CTTNBP2: variants seen among roughly 807,000 people sequenced by gnomAD.
CTTNBP2 encodes the protein cortactin-binding protein 2.
Under a neutral mutation model 156.9 loss-of-function variants are expected in CTTNBP2, and 108 were observed. That is an observed-to-expected ratio of 0.69 (90% CI 0.59 to 0.81). CTTNBP2 has a LOEUF of 0.81. Ranked by LOEUF, CTTNBP2 falls within the 30% of genes least tolerant of loss-of-function variation. The probability of loss-of-function intolerance (pLI) is 0.00; values close to 1 mark genes in which losing one functional copy is unlikely to be tolerated. For synonymous variants in CTTNBP2, 767 were observed against 751.8 expected, an observed-to-expected ratio of 1.02 and a Z score of -0.33; for missense variants, 1,924 against 2,035.4, an observed-to-expected ratio of 0.95 and a Z score of 1.05.
chr7:117,861,581 AC>A lies in CTTNBP2; in HGVS notation c.82-266del, dbSNP rs1414828054. 2.6e-5 allele frequency among the ~76,000 whole-genome samples: 4 copies of A among 152,282 alleles called. No homozygotes were observed. In the South Asian group the frequency reaches 8.3e-4, roughly 32 times the overall value. The stretch of plus-strand genomic sequence containing the variant: ...CCCAGACTCAAAATCTCTCCAAATT[AC>A]ATAGCACAAATTTAAAGTCCCTGGA... On this transcript the variant is annotated intron_variant, in intron 1 of 22. Coordinates refer to ENST00000160373, the MANE Select transcript of CTTNBP2 (RefSeq NM_033427.3).
At chr7:117,817,361 A>ATATATATATAT (rs1298639361) in intron 2 of CTTNBP2, among the ~76,000 whole-genome samples, 1,037 of 53,282 alleles carry the variant, frequency 0.019, 169 homozygotes, top group East Asian at 0.11. Flanking sequence ...AAAAAAAAAA[A>ATATATATATAT]ATATATATAT....
intron 14 of CTTNBP2, among the ~76,000 whole-genome samples, chr7:117,740,554 G>A (rs1412460648): frequency 6.6e-6 from 1 of 152,170 alleles, no homozygotes; most frequent in South Asian, 2.1e-4. Context: ...GTACTCTTCA[G>A]TTGTGGTACT....
chr7:117,758,237 T>C lies in CTTNBP2; in HGVS notation c.3173-267A>G, dbSNP rs530036677. 120 of 416,324 alleles carry C rather than the reference T, an allele frequency of 2.9e-4. 1 individual carries two copies. Among genetic ancestry groups the C allele is most frequent in the African/African-American group, 1.8e-3 (89 of 49,808 alleles). 25.8% of individuals were successfully genotyped at this position (416,324 alleles called of 1,614,324 possible). A position where few individuals can be genotyped will look rare whatever the true frequency, so the allele number is the denominator to read the frequency against. On this transcript the variant is annotated intron_variant, in intron 10 of 22. Coordinates refer to ENST00000160373, the MANE Select transcript of CTTNBP2 (RefSeq NM_033427.3). ...CAGGGAGAGATCTAGAAAGCAAATATATCCACTCAGATATTTCTAGGGTTA... is the reference window on the plus strand; with the variant it reads ...CAGGGAGAGATCTAGAAAGCAAATACATCCACTCAGATATTTCTAGGGTTA...
intron 2 of CTTNBP2, among the ~76,000 whole-genome samples, chr7:117,852,397 A>C (rs532224530): frequency 2.5e-4 from 38 of 152,158 alleles, no homozygotes; most frequent in Admixed American, 5.2e-4. Flanking sequence ...AAAATATGCA[A>C]AGATGGTCAG....
chr7:117,727,235 A>G (rs538679690), intron 17 of CTTNBP2, among the ~76,000 whole-genome samples: 1 of 152,310 alleles, frequency 6.6e-6, no homozygotes, highest in South Asian at 2.1e-4. Flanking sequence ...TCTAATACTC[A>G]GGCTGGAGTT....
rs550320749 is a variant in CTTNBP2, at chr7:117,846,923, AT to A, written c.189+14285del. 7.3e-4 allele frequency among the ~76,000 whole-genome samples: 111 copies of A among 152,282 alleles called. 1 individual carries two copies. Among genetic ancestry groups the A allele is most frequent in the African/African-American group, 2.6e-3 (107 of 41,566 alleles). On this transcript the variant is annotated intron_variant, in intron 2 of 22. Coordinates refer to ENST00000160373, the MANE Select transcript of CTTNBP2 (RefSeq NM_033427.3). The stretch of plus-strand genomic sequence containing the variant: ...TATTAAAGGGGCAGCTTAACTTGTT[AT>A]GAAGAAAAAATGGTAGTGAATGTTT...
chr7:117,763,526 T>A (rs954410868), intron 9 of CTTNBP2, among the ~76,000 whole-genome samples: 1 of 151,684 alleles, frequency 6.6e-6, no homozygotes, highest in African/African-American at 2.4e-5. Context: ...TGAATCCAAT[T>A]ACACCATTGT....
chr7:117,724,538 G>A lies in CTTNBP2; in HGVS notation c.4447+9C>T, dbSNP rs371243049. On this transcript the variant is annotated intron_variant, in intron 19 of 22. Transcript: ENST00000160373. ...CCTGGTAGGCAACATGCCTACCCCC[G>A]CCCTTTACCTTCAGTGCTTAGGTCT... The A allele has an allele frequency of 6.7e-5, 107 of 1,604,206 alleles. No individual in the cohort carries two copies. Among genetic ancestry groups the A allele is most frequent in the South Asian group, 3.9e-4 (35 of 90,244 alleles).
intron 17 of CTTNBP2, among the ~76,000 whole-genome samples, chr7:117,726,300 C>T (rs1182881745): frequency 6.6e-6 from 1 of 152,180 alleles, no homozygotes; most frequent in Admixed American, 6.5e-5. Flanking sequence ...ATAAAACTTT[C>T]AAGAATTGTC....
At chr7:117,716,225 T>G (rs1412969561) in intron 22 of CTTNBP2, among the ~76,000 whole-genome samples, 1 of 137,300 alleles carries the variant, frequency 7.3e-6, no homozygotes, top group East Asian at 1.9e-4. Context: ...ACTTTGACTT[T>G]CAGTACTACT....
chr7:117,817,453 T>C (rs1339429717), intron 2 of CTTNBP2, among the ~76,000 whole-genome samples: 1 of 146,286 alleles, frequency 6.8e-6, no homozygotes, highest in Non-Finnish European at 1.5e-5. Flanking sequence ...AAGTTGAAAG[T>C]TGACCATTAT....
chr7:117,780,372 CTAGTTA>C, intron 7 of CTTNBP2, 63 bp downstream of exon 7: 1 of 1,043,140 alleles, frequency 9.6e-7, no homozygotes, highest in Non-Finnish European at 1.3e-6. Flanking sequence ...TTTTGTTTTT[CTAGTTA>C]TAGAGTTTAC....
rs78926846 is a variant in CTTNBP2 at position 117,746,502 on chromosome 7, A to G, written c.3349-403T>C. 7.4e-3 allele frequency among the ~76,000 whole-genome samples: 1,132 copies of G among 152,284 alleles called. 16 individuals are homozygous for G. Among genetic ancestry groups the G allele is most frequent in the African/African-American group, 0.026 (1,076 of 41,550 alleles). ...TTGTTCGTGGTTAAAACAGTAATGC[A>G]TTTCATTATGGAAATTTTGGTATAT... On this transcript the variant is annotated intron_variant, in intron 12 of 22. Coordinates refer to ENST00000160373, the MANE Select transcript of CTTNBP2 (RefSeq NM_033427.3).
chr7:117,830,536 A>G (rs980007228), intron 2 of CTTNBP2, among the ~76,000 whole-genome samples: 1 of 152,224 alleles, frequency 6.6e-6, no homozygotes, highest in Non-Finnish European at 1.5e-5. Context: ...GAGTGTCATG[A>G]ACACTCAAAC....
chr7:117,783,078 T>A, intron 5 of CTTNBP2, 117 bp from the exon 6 acceptor site: 1 of 647,544 alleles, frequency 1.5e-6, no homozygotes, highest in Non-Finnish European at 2.6e-6. Flanking sequence ...GCACAGTTCA[T>A]CTCAGAATTC....
chr7:117,726,122 T>C (rs1795081990), intron 17 of CTTNBP2, among the ~76,000 whole-genome samples: 1 of 152,200 alleles, frequency 6.6e-6, no homozygotes, highest in African/African-American at 2.4e-5. Context: ...TTAATAGCCA[T>C]AAACAGTGGG....
chr7:117,765,297 T>A (rs1277432657), intron 9 of CTTNBP2, among the ~76,000 whole-genome samples: 3 of 152,184 alleles, frequency 2.0e-5, no homozygotes, highest in Non-Finnish European at 2.9e-5. Context: ...ATGGAAGTAA[T>A]CATAATCTAA....
At chr7:117,739,927 C>CA (rs1371564076) in intron 14 of CTTNBP2, among the ~76,000 whole-genome samples, 2 of 152,162 alleles carry the variant, frequency 1.3e-5, no homozygotes, top group African/African-American at 4.8e-5. Flanking sequence ...TTGAAAAATT[C>CA]AAAGTATTAC....
At chr7:117,865,111 A>G (rs914627844) in intron 1 of CTTNBP2, among the ~76,000 whole-genome samples, 1 of 151,706 alleles carries the variant, frequency 6.6e-6, no homozygotes, top group South Asian at 2.1e-4. Context: ...AATGTTTATA[A>G]AAGATTGCCT....
Sources: allele counts gnomAD v4.1 joint callset (sites outside exome capture counted in the v4.1 genomes callset), GRCh38; gene constraint gnomAD v4.1.1; transcripts MANE v1.5; gene names NCBI Gene and HGNC (gene_info 2026-07-23, HGNC 2026-07-21).